CHCHD3: variants seen among roughly 807,000 people sequenced by gnomAD.
CHCHD3 encodes the protein coiled-coil-helix-coiled-coil-helix domain containing 3, also known as MICOS complex subunit MIC19.
Under a neutral mutation model 38.2 loss-of-function variants are expected in CHCHD3, and 20 were observed. The observed-to-expected ratio is 0.52, with a 90% CI of 0.37 to 0.76. CHCHD3 has a LOEUF of 0.76. Ranked by LOEUF, CHCHD3 falls within the 30% of genes least tolerant of loss-of-function variation. The pLI, the probability that CHCHD3 is intolerant of heterozygous loss-of-function variation, is 0.00. For missense variants in CHCHD3, 245 were observed against 279.2 expected (o/e 0.88, Z 0.87); for synonymous variants, 82 against 100.0 (o/e 0.82, Z 1.07).
At chr7:132,818,915 A>C (rs1485294220) in intron 6 of CHCHD3, among the ~76,000 whole-genome samples, 2 of 152,186 alleles carry the variant, frequency 1.3e-5, no homozygotes, top group Admixed American at 1.3e-4. Flanking sequence ...CTAGAGATGA[A>C]CTCTGGCAAT....
intron 4 of CHCHD3, among the ~76,000 whole-genome samples, chr7:132,930,140 T>C (rs1197405536): frequency 6.6e-6 from 1 of 151,424 alleles, no homozygotes; most frequent in Non-Finnish European, 1.5e-5. Context: ...ACTCACTTCC[T>C]CCTTCTTAAC....
At chr7:133,023,391 A>C (rs1035992961) in intron 3 of CHCHD3, among the ~76,000 whole-genome samples, 9 of 152,228 alleles carry the variant, frequency 5.9e-5, no homozygotes, top group African/African-American at 1.9e-4. Flanking sequence ...TAAAGATGAA[A>C]TACTTAAGGC....
chr7:133,073,233 T>C (rs1814879010), intron 1 of CHCHD3, among the ~76,000 whole-genome samples: 1 of 152,142 alleles, frequency 6.6e-6, no homozygotes, highest in African/African-American at 2.4e-5. Flanking sequence ...CCTAGGACTC[T>C]GGCCACATTT....
intron 5 of CHCHD3, among the ~76,000 whole-genome samples, chr7:132,873,232 TG>T (rs1171727000): frequency 6.6e-6 from 1 of 152,136 alleles, no homozygotes; most frequent in African/African-American, 2.4e-5. Flanking sequence ...GACAGAGGCC[TG>T]GGTGCACCAG....
intron 3 of CHCHD3, among the ~76,000 whole-genome samples, chr7:132,981,010 T>C (rs1456059965): frequency 6.6e-6 from 1 of 152,106 alleles, no homozygotes; most frequent in African/African-American, 2.4e-5. Flanking sequence ...TTTTGAAACA[T>C]GGTCTTGCTC....
At chr7:133,038,596 A>T (rs1813743091) in intron 2 of CHCHD3, among the ~76,000 whole-genome samples, 1 of 152,232 alleles carries the variant, frequency 6.6e-6, no homozygotes, top group South Asian at 2.1e-4. Flanking sequence ...ATGATGAATG[A>T]TATATGTTAC....
At chr7:133,001,362 C>G (rs1452544700) in intron 3 of CHCHD3, among the ~76,000 whole-genome samples, 4 of 152,122 alleles carry the variant, frequency 2.6e-5, no homozygotes, top group Admixed American at 1.3e-4. Context: ...ATTCCAGCTG[C>G]AGAGATCCTT....
chr7:132,978,522 T>C (rs1289843275), intron 3 of CHCHD3, among the ~76,000 whole-genome samples: 1 of 152,090 alleles, frequency 6.6e-6, no homozygotes, highest in Non-Finnish European at 1.5e-5. Flanking sequence ...TGTTGATGTA[T>C]GCATGTGTGA....
chr7:133,020,793 T>C (rs759112081), intron 3 of CHCHD3, among the ~76,000 whole-genome samples: 8 of 152,118 alleles, frequency 5.3e-5, no homozygotes, highest in Admixed American at 5.2e-4. Context: ...GAATATGATA[T>C]TGTGTGGAAA....
At chr7:132,869,649 T>TA (rs1808717267) in intron 5 of CHCHD3, among the ~76,000 whole-genome samples, 2 of 152,268 alleles carry the variant, frequency 1.3e-5, no homozygotes, top group South Asian at 4.1e-4. Flanking sequence ...TGCAGCGACA[T>TA]AATGGCTCAC....
chr7:132,802,440 C>G (rs917488835), intron 6 of CHCHD3, among the ~76,000 whole-genome samples: 1 of 152,136 alleles, frequency 6.6e-6, no homozygotes, highest in African/African-American at 2.4e-5. Flanking sequence ...TATGGGCTCA[C>G]CCAGCACAAC....
intron 4 of CHCHD3, among the ~76,000 whole-genome samples, chr7:132,963,904 A>C (rs1033062539): frequency 2.6e-5 from 4 of 152,324 alleles, no homozygotes; most frequent in Admixed American, 1.3e-4. Context: ...GGAAAGTATA[A>C]TTGAAAAATA....
intron 4 of CHCHD3, among the ~76,000 whole-genome samples, chr7:132,949,653 T>C (rs1370228641): frequency 1.3e-5 from 2 of 152,280 alleles, no homozygotes; most frequent in South Asian, 4.1e-4. Flanking sequence ...AATGCCCTCA[T>C]ATAGTGTCAG....
At chr7:133,031,348 A>G (rs1339472241) in intron 2 of CHCHD3, among the ~76,000 whole-genome samples, 1 of 152,144 alleles carries the variant, frequency 6.6e-6, no homozygotes, top group Non-Finnish European at 1.5e-5. Context: ...AATGACTCCA[A>G]AAGATGGAAG....
chr7:132,914,256 G>A (rs538548101), intron 4 of CHCHD3, among the ~76,000 whole-genome samples: 4 of 152,070 alleles, frequency 2.6e-5, no homozygotes, highest in East Asian at 1.9e-4. Context: ...CCAAAGTGCC[G>A]GGATTACAGG....
chr7:132,868,192 A>G (rs1327849798), intron 5 of CHCHD3, among the ~76,000 whole-genome samples: 1 of 152,208 alleles, frequency 6.6e-6, no homozygotes, highest in African/African-American at 2.4e-5. Flanking sequence ...ACTAACCAAT[A>G]TTCGTTGCTT....
Position 133,035,410 on chromosome 7 carries a change from G to A in CHCHD3, c.170-10783C>T, listed in dbSNP as rs1562944545. On this transcript the variant is annotated intron_variant, in intron 2 of 7. Coordinates refer to ENST00000262570, the MANE Select transcript of CHCHD3 (RefSeq NM_017812.4). This position sits in a 1 kb window ranked among gnomAD's most constrained non-coding sequence, Gnocchi z 4.7. ...GAAGGCTCTAGAACCTGCTTATAGAGCCACAACAGGGTGCAGACAACTGTG... is the reference window on the plus strand; with the variant it reads ...GAAGGCTCTAGAACCTGCTTATAGAACCACAACAGGGTGCAGACAACTGTG... The A allele has an allele frequency of 1.2e-6, 2 of 1,613,514 alleles. No individual in the cohort carries two copies. The highest frequency in any genetic ancestry group is 1.7e-4 in the Middle Eastern group (1 of 6,054).
intron 1 of CHCHD3, among the ~76,000 whole-genome samples, chr7:133,076,319 G>A (rs548482957): frequency 9.2e-5 from 14 of 152,214 alleles, no homozygotes; most frequent in South Asian, 8.3e-4. Context: ...TGAGTAGTCC[G>A]TGGGTCAATT....
intron 4 of CHCHD3, among the ~76,000 whole-genome samples, chr7:132,914,276 A>C (rs1294989386): frequency 1.3e-5 from 2 of 152,080 alleles, no homozygotes; most frequent in Non-Finnish European, 2.9e-5. Flanking sequence ...GCATGAGCCG[A>C]CACACCCGGC....
Sources: allele counts gnomAD v4.1 joint callset (sites outside exome capture counted in the v4.1 genomes callset), GRCh38; gene constraint gnomAD v4.1.1; non-coding constraint Gnocchi (gnomAD v3.1); transcripts MANE v1.5; gene names NCBI Gene and HGNC (gene_info 2026-07-23, HGNC 2026-07-21).